The following TRAM1 variants were observed in gnomAD, a reference collection of about 807,000 sequenced individuals.
TRAM1 encodes translocating chain-associated membrane protein 1.
Under a neutral mutation model 48.7 loss-of-function variants are expected in TRAM1, and 17 were observed. The observed-to-expected ratio is 0.35, with a 90% CI of 0.24 to 0.52. The LOEUF (loss-of-function observed/expected upper bound fraction) is 0.52, where lower values mean the gene tolerates loss of function less well. Among genes scored for constraint, TRAM1 ranks in the 20% least tolerant of loss-of-function variants. The pLI is 0.94. For synonymous variants in TRAM1, 182 were observed against 154.0 expected (o/e 1.18, Z -1.34); for missense variants, 351 against 441.5 (o/e 0.79, Z 1.84).
rs1285343403 is a variant in TRAM1 at position 70,574,710 on chromosome 8, A to C, written c.*222T>G. ...AATAAAATATGGTGGTGGTCCCTAA[A>C]CTATTTTGAAGGCAGGTAGCTTAGT... On this transcript the variant is annotated 3_prime_UTR_variant, in exon 11 of 11. Coordinates refer to ENST00000262213, the MANE Select transcript of TRAM1 (RefSeq NM_014294.6). 11 of 395,410 alleles carry C rather than the reference A, an allele frequency of 2.8e-5. No homozygotes were observed. The Admixed American group carries it at 5.0e-4, about 18-fold the overall frequency. The allele number at this position is 395,410 out of a possible 1,614,324, so 24.5% of individuals were successfully genotyped here.
Position 70,608,407 on chromosome 8 carries a change from G to T in TRAM1, c.-208C>A. On this transcript the variant is annotated 5_prime_UTR_variant, in exon 1 of 11. Transcript: ENST00000262213. ...AAACACAACAGCTAGCCCGCAGCGG[G>T]GGCGAGCATGCGCACCAGGGAGACG... 1 of 448,774 alleles carries T rather than the reference G, an allele frequency of 2.2e-6. No homozygotes were observed. The highest frequency in any genetic ancestry group is 3.7e-6 in the Non-Finnish European group (1 of 269,688). 27.8% of individuals were successfully genotyped at this position (448,774 alleles called of 1,614,324 possible). A position where few individuals can be genotyped will look rare whatever the true frequency, so the allele number is the denominator to read the frequency against.
In TRAM1 at chr8:70,574,854, C is replaced by T; in HGVS notation, c.*78G>A. 9.6e-7 allele frequency: 1 copy of T among 1,043,968 alleles called. No individual in the cohort carries two copies. The highest frequency in any genetic ancestry group is 1.4e-6 in the Non-Finnish European group (1 of 697,242). 64.7% of individuals were successfully genotyped at this position (1,043,968 alleles called of 1,614,324 possible). The stretch of plus-strand genomic sequence containing the variant: ...AGAGCACAGACTGTATTTTCAAGAA[C>T]AGAAAAATCTCTAATGCTGAAAGAT... On this transcript the variant is annotated 3_prime_UTR_variant, in exon 11 of 11. Transcript: ENST00000262213.
chr8:70,577,490 TG>T (rs1816982890), intron 10 of TRAM1, among the ~76,000 whole-genome samples: 1 of 152,206 alleles, frequency 6.6e-6, no homozygotes, highest in African/African-American at 2.4e-5. Flanking sequence ...CTTGGGCAGA[TG>T]ATGAGACTGT....
intron 10 of TRAM1, among the ~76,000 whole-genome samples, chr8:70,581,739 AAAATATGG>A: frequency 6.6e-6 from 1 of 152,386 alleles, no homozygotes; most frequent in Non-Finnish European, 1.5e-5. Context: ...ATGGATAAAC[AAAATATGG>A]TATACATCCA....
At chr8:70,588,352 G>A (rs1421888129) in intron 6 of TRAM1, among the ~76,000 whole-genome samples, 4 of 152,206 alleles carry the variant, frequency 2.6e-5, no homozygotes, top group African/African-American at 9.6e-5. Flanking sequence ...TTGGGAGGCT[G>A]AGACAGGAGG....
intron 2 of TRAM1, among the ~76,000 whole-genome samples, chr8:70,598,809 C>T (rs1183610061): frequency 6.6e-6 from 1 of 152,128 alleles, no homozygotes; most frequent in Non-Finnish European, 1.5e-5. Context: ...TTGTGAATTG[C>T]TGACACTTAT....
At chr8:70,601,327 T>A (rs185488447) in intron 1 of TRAM1, among the ~76,000 whole-genome samples, 1 of 152,328 alleles carries the variant, frequency 6.6e-6, no homozygotes, top group Non-Finnish European at 1.5e-5. Flanking sequence ...GCACATGCTG[T>A]TCTATCTAAA....
At chr8:70,587,055 G>T in intron 7 of TRAM1, 51 bp downstream of exon 7, 1 of 1,610,888 alleles carries the variant, frequency 6.2e-7, no homozygotes, top group Non-Finnish European at 8.5e-7. Flanking sequence ...AGACAGGTCA[G>T]CATACTATCT....
At chr8:70,583,814 G>A in intron 8 of TRAM1, 21 bp from the exon 9 acceptor site, 1 of 1,520,300 alleles carries the variant, frequency 6.6e-7, no homozygotes, top group Non-Finnish European at 8.8e-7. Context: ...AAGGCCGTAA[G>A]TCAAATTCCT....
chr8:70,607,004 A>T, intron 1 of TRAM1: 1 of 935,780 alleles, frequency 1.1e-6, no homozygotes, highest in Non-Finnish European at 1.3e-6. Context: ...TCGTAAAAAT[A>T]CTCCAAAATC....
chr8:70,576,400 T>C (rs1295077833), intron 10 of TRAM1, among the ~76,000 whole-genome samples: 1 of 152,114 alleles, frequency 6.6e-6, no homozygotes. Flanking sequence ...CAACATGAAA[T>C]GAAAAACAGG....
At chr8:70,599,959 T>C (rs1817570216) in intron 2 of TRAM1, 60 bp downstream of exon 2, 2 of 1,388,840 alleles carry the variant, frequency 1.4e-6, no homozygotes, top group East Asian at 4.6e-5. Flanking sequence ...CATGAAAATT[T>C]CCAAGTTTGT....
At chr8:70,586,405 TA>T (rs1480312295) in intron 8 of TRAM1, among the ~76,000 whole-genome samples, 1 of 151,980 alleles carries the variant, frequency 6.6e-6, no homozygotes, top group African/African-American at 2.4e-5. Context: ...ACATGTACCC[TA>T]AAACTTAAAG....
chr8:70,607,975 GAGCC>G (rs1817787871), intron 1 of TRAM1, 98 bp downstream of exon 1: 1 of 1,394,376 alleles, frequency 7.2e-7, no homozygotes, highest in South Asian at 1.5e-5. Flanking sequence ...CCCCGGGCCC[GAGCC>G]CCCCGCGTCC....
At chr8:70,582,222 C>T (rs1817090664) in intron 10 of TRAM1, among the ~76,000 whole-genome samples, 1 of 151,532 alleles carries the variant, frequency 6.6e-6, no homozygotes, top group South Asian at 2.1e-4. Context: ...CTAAATCGAT[C>T]TACAGATTTG....
At chr8:70,591,481 G>C (rs1035296066) in intron 6 of TRAM1, among the ~76,000 whole-genome samples, 1 of 152,132 alleles carries the variant, frequency 6.6e-6, no homozygotes, top group Non-Finnish European at 1.5e-5. Context: ...GGTTGTGGGG[G>C]AAGGGAGAGA....
intron 1 of TRAM1, among the ~76,000 whole-genome samples, chr8:70,603,087 G>C (rs1267076861): frequency 1.3e-5 from 2 of 152,044 alleles, no homozygotes; most frequent in South Asian, 4.1e-4. Flanking sequence ...AGGCTACTAA[G>C]GCTACTCTAT....
chr8:70,594,475 C>T, intron 6 of TRAM1, 31 bp downstream of exon 6: 1 of 1,530,390 alleles, frequency 6.5e-7, no homozygotes, highest in Non-Finnish European at 8.8e-7. Flanking sequence ...AATGACAAGA[C>T]ATTTTTTAAC....
chr8:70,593,298 T>C (rs1563386881), intron 6 of TRAM1, among the ~76,000 whole-genome samples: 2 of 151,914 alleles, frequency 1.3e-5, no homozygotes, highest in African/African-American at 4.8e-5. Flanking sequence ...TAACTATTTG[T>C]AGCACACATA....
Sources: gnomAD v4.1 joint callset for allele counts (sites outside exome capture counted in the v4.1 genomes callset) on GRCh38, gnomAD v4.1.1 for gene constraint, MANE v1.5 for transcripts, NCBI Gene and HGNC (gene_info 2026-07-23, HGNC 2026-07-21) for gene names.